Variants in FGGY observed in about 807,000 individuals in gnomAD.
The protein encoded by FGGY is FGGY carbohydrate kinase domain containing.
A neutral mutation model predicts 71.3 loss-of-function variants in FGGY; 72 were observed. That is an observed-to-expected ratio of 1.01 (90% CI 0.84 to 1.23). The LOEUF (loss-of-function observed/expected upper bound fraction) is 1.23. FGGY is among the 50% of genes most tolerant of loss of function. The pLI is 0.00. For synonymous variants in FGGY, 251 were observed against 250.3 expected (o/e 1.00, Z -0.02); for missense variants, 668 against 682.3 (o/e 0.98, Z 0.23).
At chr1:59,591,571 G>A (rs1382322422) in intron 8 of FGGY, among the ~76,000 whole-genome samples, 1 of 152,154 alleles carries the variant, frequency 6.6e-6, no homozygotes, top group African/African-American at 2.4e-5. Context: ...AAAGAGCATG[G>A]TACTGGTAAC....
intron 4 of FGGY, among the ~76,000 whole-genome samples, chr1:59,362,930 T>C (rs1360794854): frequency 6.6e-6 from 1 of 152,142 alleles, no homozygotes; most frequent in South Asian, 2.1e-4. Flanking sequence ...TGACAGACCA[T>C]TTTTTTGCAA....
At chr1:59,758,292 C>T (rs1341823568) in intron 15 of FGGY, among the ~76,000 whole-genome samples, 2 of 152,196 alleles carry the variant, frequency 1.3e-5, no homozygotes, top group East Asian at 3.9e-4. Flanking sequence ...TCTTATATCT[C>T]CATCAAAGGA....
intron 5 of FGGY, among the ~76,000 whole-genome samples, chr1:59,439,194 C>T (rs982193464): frequency 1.3e-5 from 2 of 152,086 alleles, no homozygotes; most frequent in Non-Finnish European, 2.9e-5. Flanking sequence ...GTCTTGTCTC[C>T]GTGTGCCTGA....
intron 10 of FGGY, among the ~76,000 whole-genome samples, chr1:59,632,994 T>C (rs1343798697): frequency 2.0e-5 from 3 of 151,374 alleles, no homozygotes; most frequent in African/African-American, 2.4e-5. Flanking sequence ...GATATTATTA[T>C]ACATTTCTTT....
intron 4 of FGGY, among the ~76,000 whole-genome samples, chr1:59,365,665 T>G (rs1467169191): frequency 6.6e-6 from 1 of 152,194 alleles, no homozygotes; most frequent in African/African-American, 2.4e-5. Flanking sequence ...GGGATAGTCT[T>G]GGTCCCTTCC....
At chr1:59,674,718 C>T (rs1158848581) in intron 14 of FGGY, among the ~76,000 whole-genome samples, 1 of 152,170 alleles carries the variant, frequency 6.6e-6, no homozygotes, top group African/African-American at 2.4e-5. Flanking sequence ...TTCTTACTTT[C>T]AAAAAGAGGA....
intron 9 of FGGY, among the ~76,000 whole-genome samples, chr1:59,619,385 A>G (rs1195975387): frequency 6.6e-6 from 1 of 152,106 alleles, no homozygotes; most frequent in East Asian, 1.9e-4. Flanking sequence ...ATTAAGACAA[A>G]TAGAGGAGGT....
chr1:59,319,230 G>A (rs1218088768), intron 1 of FGGY, among the ~76,000 whole-genome samples: 1 of 152,194 alleles, frequency 6.6e-6, no homozygotes, highest in African/African-American at 2.4e-5. Context: ...AATGAGTGCC[G>A]TAGAATGAAT....
intron 5 of FGGY, among the ~76,000 whole-genome samples, chr1:59,409,596 T>TATATATATATATATA (rs1557833921): frequency 2.0e-3 from 171 of 83,914 alleles, no homozygotes; most frequent in African/African-American, 6.5e-3. Context: ...AGGAAGAGTT[T>TATATATATATATATA]TTTATATATA....
intron 5 of FGGY, among the ~76,000 whole-genome samples, chr1:59,434,477 G>A (rs921728254): frequency 6.6e-5 from 10 of 152,232 alleles, no homozygotes; most frequent in African/African-American, 2.2e-4. Flanking sequence ...TATGCGACAA[G>A]ACAGGGTAGG....
intron 11 of FGGY, among the ~76,000 whole-genome samples, chr1:59,651,266 G>T (rs2097157437): frequency 6.6e-6 from 1 of 152,094 alleles, no homozygotes; most frequent in East Asian, 1.9e-4. Context: ...AGTCTATTAG[G>T]TCCGCTTGGT....
At chr1:59,487,104 T>G (rs980602600) in intron 6 of FGGY, among the ~76,000 whole-genome samples, 3 of 152,106 alleles carry the variant, frequency 2.0e-5, no homozygotes, top group Non-Finnish European at 4.4e-5. Context: ...GTGGAGGTAT[T>G]AGGGTCAGAT....
intron 8 of FGGY, among the ~76,000 whole-genome samples, chr1:59,569,399 G>A (rs1328786766): frequency 2.0e-5 from 3 of 152,152 alleles, no homozygotes; most frequent in Non-Finnish European, 4.4e-5. Flanking sequence ...ATGGAATTGA[G>A]GTCAAAGAGA....
At chr1:59,587,959 C>T (rs944751579) in intron 8 of FGGY, among the ~76,000 whole-genome samples, 8 of 152,258 alleles carry the variant, frequency 5.3e-5, no homozygotes, top group East Asian at 1.9e-4. Context: ...TTGACTTTGA[C>T]GAGTTGAGAG....
chr1:59,441,865 G>A (rs1472975453), intron 5 of FGGY, among the ~76,000 whole-genome samples: 1 of 152,114 alleles, frequency 6.6e-6, no homozygotes, highest in Non-Finnish European at 1.5e-5. Flanking sequence ...TTTCACATCT[G>A]GGGGCAGGAT....
intron 6 of FGGY, among the ~76,000 whole-genome samples, chr1:59,483,418 G>T (rs1161179914): frequency 6.6e-6 from 1 of 152,166 alleles, no homozygotes; most frequent in African/African-American, 2.4e-5. Flanking sequence ...GGAGAAAACA[G>T]ATGATTAATT....
chr1:59,736,321 C>T (rs561700870), intron 14 of FGGY, among the ~76,000 whole-genome samples: 109 of 152,126 alleles, frequency 7.2e-4, no homozygotes, highest in African/African-American at 2.2e-3. Flanking sequence ...ACTGCTGAAA[C>T]GATACCCAAA....
intron 8 of FGGY, among the ~76,000 whole-genome samples, chr1:59,566,189 G>C (rs1335628750): frequency 1.3e-5 from 2 of 152,076 alleles, no homozygotes; most frequent in African/African-American, 2.4e-5. Flanking sequence ...TTTTCCAGAA[G>C]TTTGGTGTGG....
chr1:59,546,918 T>C (rs2095535390), intron 7 of FGGY, among the ~76,000 whole-genome samples: 2 of 151,070 alleles, frequency 1.3e-5, no homozygotes, highest in Non-Finnish European at 2.9e-5. Flanking sequence ...GTCAAAGCAA[T>C]ACTTCATGAA....
Sources: gnomAD v4.1 joint callset for allele counts (sites outside exome capture counted in the v4.1 genomes callset) on GRCh38, gnomAD v4.1.1 for gene constraint, MANE v1.5 for transcripts, NCBI Gene and HGNC (gene_info 2026-07-23, HGNC 2026-07-21) for gene names.